ANO4: variants seen among roughly 807,000 people sequenced by gnomAD.
ANO4 encodes anoctamin-4.
A neutral mutation model predicts 141.9 loss-of-function variants in ANO4; 69 were observed. The ratio of observed to expected loss-of-function variants is 0.49; its 90% confidence interval spans 0.40 to 0.59. The LOEUF is 0.59. Ranked by LOEUF, ANO4 falls within the 20% of genes least tolerant of loss-of-function variation. ANO4 has a pLI of 0.00. For missense variants in ANO4, 894 were observed against 1,162.2 expected (o/e 0.77, Z 3.36); for synonymous variants, 350 against 394.3 (o/e 0.89, Z 1.33).
At chr12:100,909,490 G>A (rs2041004740) in intron 2 of ANO4, among the ~76,000 whole-genome samples, 1 of 152,176 alleles carries the variant, frequency 6.6e-6, no homozygotes, top group African/African-American at 2.4e-5. Flanking sequence ...TTATGTGGAA[G>A]AATGCCCACT....
intron 9 of ANO4, among the ~76,000 whole-genome samples, chr12:101,023,506 A>G (rs1387418010): frequency 6.6e-6 from 1 of 152,112 alleles, no homozygotes; most frequent in African/African-American, 2.4e-5. Context: ...CCCCATCTCT[A>G]CAAAAAATAC....
At chr12:100,985,531 A>G (rs2044671116) in intron 7 of ANO4, among the ~76,000 whole-genome samples, 1 of 152,194 alleles carries the variant, frequency 6.6e-6, no homozygotes. Flanking sequence ...GTTAATATTA[A>G]CAGAGCCAGG....
intron 15 of ANO4, among the ~76,000 whole-genome samples, chr12:101,080,988 C>A (rs2049250623): frequency 3.0e-5 from 4 of 134,848 alleles, no homozygotes; most frequent in African/African-American, 8.4e-5. Context: ...TATCTAGAAC[C>A]TAGAAAAAAA....
At chr12:100,825,990 C>T (rs11110539) in intron 1 of ANO4, among the ~76,000 whole-genome samples, 7,096 of 152,076 alleles carry the variant, frequency 0.047, 226 homozygotes, top group Middle Eastern at 0.095. Context: ...TGGGAATGCA[C>T]ATCACTGAGG....
intron 14 of ANO4, among the ~76,000 whole-genome samples, chr12:101,055,461 C>T (rs1248972751): frequency 6.6e-6 from 1 of 152,158 alleles, no homozygotes; most frequent in Non-Finnish European, 1.5e-5. Context: ...AGCTTATTTG[C>T]AATCTGCACA....
At chr12:100,903,940 T>C (rs546868459) in intron 2 of ANO4, among the ~76,000 whole-genome samples, 1 of 152,338 alleles carries the variant, frequency 6.6e-6, no homozygotes, top group South Asian at 2.1e-4. Context: ...TGCTTTCACT[T>C]CTCTAAATAT....
intron 2 of ANO4, among the ~76,000 whole-genome samples, chr12:100,921,870 C>T (rs1003529362): frequency 2.6e-5 from 4 of 152,084 alleles, no homozygotes; most frequent in African/African-American, 9.7e-5. Flanking sequence ...GTGTTAATGT[C>T]ACATTTAATC....
At chr12:100,951,471 A>G (rs1020788226) in intron 5 of ANO4, among the ~76,000 whole-genome samples, 4 of 152,226 alleles carry the variant, frequency 2.6e-5, no homozygotes, top group African/African-American at 9.6e-5. Flanking sequence ...AAGAAAACAT[A>G]GTACTTACAC....
rs145567234 is a variant in ANO4 at position 100,906,443 on chromosome 12, C to G, written c.55+4603C>G. Among the ~76,000 whole-genome samples, 32 of 152,196 alleles carry G rather than the reference C, an allele frequency of 2.1e-4. No homozygotes were observed. In the East Asian group the frequency reaches 6.0e-3, roughly 28 times the overall value. ...GGAATGTGTGGCACTAATATTGTGG[C>G]ACATATCTTAATAACATTTATTTAA... is the stretch of plus-strand genomic sequence containing the variant. On this transcript the variant is annotated intron_variant, in intron 2 of 27. Transcript: ENST00000392977.
chr12:100,919,721 T>C (rs1462203043), intron 2 of ANO4, among the ~76,000 whole-genome samples: 2 of 143,030 alleles, frequency 1.4e-5, no homozygotes, highest in Non-Finnish European at 3.0e-5. Flanking sequence ...TGTATGTATG[T>C]ATGTGTGTAT....
At chr12:101,024,967 C>G (rs2046673638) in intron 9 of ANO4, among the ~76,000 whole-genome samples, 1 of 152,200 alleles carries the variant, frequency 6.6e-6, no homozygotes, top group Non-Finnish European at 1.5e-5. Flanking sequence ...GGCTAAACCT[C>G]TAGATTCTGG....
rs373933791 is a variant in ANO4 at position 100,980,892 on chromosome 12, C to CT, written c.602+6012dup. Reference sequence around the variant, plus strand: ...AGGAATTTATCATCTTTTGGCTGCCCTTTTTTTTTGCCTTCATAAAATATT... The same window carrying CT: ...AGGAATTTATCATCTTTTGGCTGCCCTTTTTTTTTTGCCTTCATAAAATATT... On this transcript the variant is annotated intron_variant, in intron 7 of 27. Coordinates refer to ENST00000392977, the MANE Select transcript of ANO4 (RefSeq NM_001286615.2). Among the ~76,000 whole-genome samples the CT allele has an allele frequency of 7.5e-3, 1,128 of 150,450 alleles. 9 individuals are homozygous for CT. Among genetic ancestry groups the CT allele is most frequent in the Admixed American group, 0.011 (161 of 15,062 alleles).
chr12:101,120,483 C>CTGA, intron 25 of ANO4, 37 bp from the exon 26 acceptor site: 1 of 1,545,130 alleles, frequency 6.5e-7, no homozygotes, highest in Non-Finnish European at 8.9e-7. Flanking sequence ...TCAGAAAAAT[C>CTGA]ATAGTTTGAA....
At chr12:100,917,420 T>A (rs75098580) in intron 2 of ANO4, among the ~76,000 whole-genome samples, 5,960 of 152,294 alleles carry the variant, frequency 0.039, 143 homozygotes, top group Non-Finnish European at 0.05. Flanking sequence ...TCTGTGGCTA[T>A]GGCAAAGAAC....
At chr12:100,858,600 G>A (rs1365126436) in intron 1 of ANO4, among the ~76,000 whole-genome samples, 1 of 152,098 alleles carries the variant, frequency 6.6e-6, no homozygotes, top group African/African-American at 2.4e-5. Flanking sequence ...ATATTTTGAT[G>A]TAAAAGAGCT....
chr12:100,980,287 A>G (rs1457488655), intron 7 of ANO4, among the ~76,000 whole-genome samples: 1 of 152,220 alleles, frequency 6.6e-6, no homozygotes, highest in East Asian at 1.9e-4. Context: ...TATCACTGGG[A>G]TGTGTGACTT....
In ANO4 at chr12:100,839,701, T is replaced by C. The variant is rs564987108; in HGVS notation, c.-141+44674T>C. ...GTGAACATTTTAAAGATTTTTTTTT[T>C]CCTTTAGACAGAACCTTATTTCATT... On this transcript the variant is annotated intron_variant, in intron 1 of 27. Coordinates refer to ENST00000392977, the MANE Select transcript of ANO4 (RefSeq NM_001286615.2). 3.3e-4 allele frequency among the ~76,000 whole-genome samples: 51 copies of C among 152,248 alleles called. 1 individual carries two copies. Among genetic ancestry groups the C allele is most frequent in the African/African-American group, 1.2e-3 (48 of 41,556 alleles).
chr12:101,084,940 A>T (rs980300444), intron 16 of ANO4, among the ~76,000 whole-genome samples: 1 of 152,156 alleles, frequency 6.6e-6, no homozygotes, highest in African/African-American at 2.4e-5. Context: ...CCAGCTGTCC[A>T]TCCTACCTCA....
chr12:100,911,598 T>C (rs1386020950), intron 2 of ANO4, among the ~76,000 whole-genome samples: 1 of 152,184 alleles, frequency 6.6e-6, no homozygotes, highest in African/African-American at 2.4e-5. Context: ...ATTTTTTGGG[T>C]TCTGATATAA....
Sources: gnomAD v4.1 joint callset for allele counts (sites outside exome capture counted in the v4.1 genomes callset) on GRCh38, gnomAD v4.1.1 for gene constraint, MANE v1.5 for transcripts, NCBI Gene and HGNC (gene_info 2026-07-23, HGNC 2026-07-21) for gene names.